PIEZO2: variants seen among roughly 807,000 people sequenced by gnomAD.
PIEZO2 encodes piezo-type mechanosensitive ion channel component 2.
In PIEZO2, 172 loss-of-function variants were observed where a neutral mutation model predicts 337.3. That is an observed-to-expected ratio of 0.51 (90% CI 0.45 to 0.58). The LOEUF (loss-of-function observed/expected upper bound fraction) is 0.58, where lower values mean the gene tolerates loss of function less well. Ranked by LOEUF, PIEZO2 falls within the 20% of genes least tolerant of loss-of-function variation. The pLI is 0.00. For missense variants in PIEZO2, 3,028 were observed against 3,391.3 expected (o/e 0.89, Z 2.66); for synonymous variants, 1,251 against 1,228.5 (o/e 1.02, Z -0.38).
In PIEZO2 at chr18:10,833,215, G is replaced by A. The variant is rs1256747519; in HGVS notation, c.917+22138C>T. Among the ~76,000 whole-genome samples, 2 of 152,160 alleles carry A rather than the reference G, an allele frequency of 1.3e-5. No individual in the cohort carries two copies. Among genetic ancestry groups the A allele is most frequent in the African/African-American group, 4.8e-5 (2 of 41,446 alleles). ...AACATGGCACATGGAGCATGGTTGA[G>A]GGCTCAGAGACAGAAGCCCAGGGTA... is the stretch of plus-strand genomic sequence containing the variant. On this transcript the variant is annotated intron_variant, in intron 7 of 55. Transcript: ENST00000674853. The surrounding 1 kb of genome is among the most constrained non-coding windows in gnomAD (Gnocchi z 4.7).
At chr18:10,723,677 G>T (rs2036413125) in intron 36 of PIEZO2, among the ~76,000 whole-genome samples, 1 of 152,156 alleles carries the variant, frequency 6.6e-6, no homozygotes, top group African/African-American at 2.4e-5. Context: ...AGCCTCTCCA[G>T]GCAGTCTCTG....
At position 10,877,926 on chromosome 18, in the gene PIEZO2, C is replaced by T. The variant is rs561790278; in HGVS notation, c.330-6511G>A. ...ATACTGAATGCACGTACCCAGAACG[C>T]GCCAGTGTTTTCCCTCTGAGCAAGT... On this transcript the variant is annotated intron_variant, in intron 4 of 55. Transcript: ENST00000674853. The surrounding 1 kb of genome is among the most constrained non-coding windows in gnomAD (Gnocchi z 5.3). Among the ~76,000 whole-genome samples, 26 of 152,230 alleles carry T rather than the reference C, an allele frequency of 1.7e-4. No homozygotes were observed. Among genetic ancestry groups the T allele is most frequent in the South Asian group, 1.2e-3 (6 of 4,814 alleles).
chr18:10,835,949 T>C (rs2040998499), intron 7 of PIEZO2, among the ~76,000 whole-genome samples: 2 of 152,246 alleles, frequency 1.3e-5, no homozygotes, highest in South Asian at 4.1e-4. Flanking sequence ...GTAATGTCCT[T>C]TGTGAAAAAT....
rs116232368 is a variant in PIEZO2 at position 10,846,911 on chromosome 18, T to C, written c.917+8442A>G. 2.0e-3 allele frequency among the ~76,000 whole-genome samples: 311 copies of C among 152,140 alleles called. 1 individual carries two copies. Among genetic ancestry groups the C allele is most frequent in the African/African-American group, 7.0e-3 (292 of 41,518 alleles). On this transcript the variant is annotated intron_variant, in intron 7 of 55. Transcript: ENST00000674853. The surrounding 1 kb of genome is among the most constrained non-coding windows in gnomAD (Gnocchi z 4.1). ...AACTGTTGGAAATGGGGAAGTGAGT[T>C]TGAATAATAAAAATATTTGATGACT...
intron 30 of PIEZO2, among the ~76,000 whole-genome samples, chr18:10,747,907 C>T (rs1259769298): frequency 6.6e-6 from 1 of 152,184 alleles, no homozygotes; most frequent in Non-Finnish European, 1.5e-5. Flanking sequence ...GAGGAACATA[C>T]ACAGCAGCTG....
intron 30 of PIEZO2, among the ~76,000 whole-genome samples, chr18:10,747,234 G>C (rs975912445): frequency 6.6e-6 from 1 of 152,188 alleles, no homozygotes; most frequent in Non-Finnish European, 1.5e-5. Flanking sequence ...TCTCGTTTGA[G>C]AGATGGGCAA....
chr18:10,858,321 CAAAAAAAA>C (rs11361243), intron 5 of PIEZO2, among the ~76,000 whole-genome samples: 1,539 of 56,482 alleles, frequency 0.027, 30 homozygotes, highest in African/African-American at 0.086. Context: ...GACTTCAACC[CAAAAAAAA>C]AAAAAAAAAA....
chr18:11,069,599 C>T lies in PIEZO2; in HGVS notation c.65-3377G>A, dbSNP rs192061802. Among the ~76,000 whole-genome samples the T allele has an allele frequency of 1.3e-5, 2 of 152,290 alleles. No homozygotes were observed. Among genetic ancestry groups the T allele is most frequent in the East Asian group, 3.9e-4 (2 of 5,186 alleles). ...TCAACAATGACAATTTAAAGCTTTT[C>T]TTTTAAGACCAGAATCAAGACAAGG... is the stretch of plus-strand genomic sequence containing the variant. On this transcript the variant is annotated intron_variant, in intron 1 of 55. Coordinates refer to ENST00000674853, the MANE Select transcript of PIEZO2 (RefSeq NM_001378183.1). This position sits in a 1 kb window ranked among gnomAD's most constrained non-coding sequence, Gnocchi z 4.9.
At chr18:10,949,525 G>T (rs958502424) in intron 3 of PIEZO2, among the ~76,000 whole-genome samples, 9 of 152,208 alleles carry the variant, frequency 5.9e-5, no homozygotes, top group Admixed American at 1.3e-4. Flanking sequence ...AGTGAGGTCA[G>T]GGTAAAAGTC....
chr18:10,684,096 C>A (rs1598351448), intron 49 of PIEZO2, among the ~76,000 whole-genome samples: 1 of 29,422 alleles, frequency 3.4e-5, no homozygotes, highest in Admixed American at 5.2e-4. Flanking sequence ...TTCCTTCCTT[C>A]TTTCTCTCTC....
intron 2 of PIEZO2, among the ~76,000 whole-genome samples, chr18:11,055,412 A>G (rs78404171): frequency 0.031 from 4,692 of 152,222 alleles, 179 homozygotes; most frequent in Admixed American, 0.085. Flanking sequence ...TGCTCATAAC[A>G]TGAAAAATAA....
intron 49 of PIEZO2, among the ~76,000 whole-genome samples, chr18:10,688,192 T>C (rs1310679261): frequency 6.6e-6 from 1 of 152,080 alleles, no homozygotes. Flanking sequence ...GTGTGTGATG[T>C]TCCCCTCCCT....
intron 1 of PIEZO2, among the ~76,000 whole-genome samples, chr18:11,086,281 GAGGCTGAGGC>G (rs2038906179): frequency 6.6e-6 from 1 of 152,150 alleles, no homozygotes; most frequent in Admixed American, 6.5e-5. Flanking sequence ...AGCACTTTGG[GAGGCTGAGGC>G]AGGCAGATCA....
At chr18:10,801,695 T>C (rs2039821380) in intron 9 of PIEZO2, among the ~76,000 whole-genome samples, 2 of 152,092 alleles carry the variant, frequency 1.3e-5, no homozygotes, top group African/African-American at 4.8e-5. Context: ...TTTTCAAGGG[T>C]TATGTTCTAC....
rs2036109619 is a variant in PIEZO2 at position 11,016,084 on chromosome 18, T to C, written c.161-36424A>G. ...CTCATTCTTCCTCCTTCTCCATTGC[T>C]CCTGTAGACCCAAACCAACAACAGC... On this transcript the variant is annotated intron_variant, in intron 2 of 55. Coordinates refer to ENST00000674853, the MANE Select transcript of PIEZO2 (RefSeq NM_001378183.1). The surrounding 1 kb of genome is among the most constrained non-coding windows in gnomAD (Gnocchi z 5.6). Among the ~76,000 whole-genome samples, 1 of 152,150 alleles carries C rather than the reference T, an allele frequency of 6.6e-6. No individual in the cohort carries two copies. The highest frequency in any genetic ancestry group is 2.4e-5 in the African/African-American group (1 of 41,442).
intron 1 of PIEZO2, among the ~76,000 whole-genome samples, chr18:11,123,373 C>T (rs1337148989): frequency 1.3e-5 from 2 of 152,150 alleles, no homozygotes; most frequent in Non-Finnish European, 2.9e-5. Flanking sequence ...CAAGCTAATT[C>T]CAGCAAAGAA....
chr18:10,758,019 A>C lies in PIEZO2; in HGVS notation c.3873T>G (p.Asp1291Glu). 1 of 1,537,060 alleles carries C rather than the reference A, an allele frequency of 6.5e-7. No homozygotes were observed. ...GDNVEICMNLDAASFSQHNPV... is the reference protein window; with the variant it reads ...GDNVEICMNLEAASFSQHNPV... ...GGTTATGTTGGCTGAAGGAGGCCGC[A>C]TCAAGGTTCATGCAGATCTCGACAT... The change falls in exon 27 of 56, where the codon GAT becomes GAG. Residue 1291 changes from aspartate to glutamate, a missense_variant. By Grantham distance (45) the Asp-to-Glu change is conservative. Coordinates refer to ENST00000674853, the MANE Select transcript of PIEZO2 (RefSeq NM_001378183.1).
At chr18:10,738,293 G>A (rs1420996916) in intron 33 of PIEZO2, 1 of 152,110 alleles carries the variant, frequency 6.6e-6, no homozygotes, top group African/African-American at 2.4e-5. Flanking sequence ...TTATAAGATC[G>A]AGAATTTTAC....
At position 10,671,547 on chromosome 18, in the gene PIEZO2, T is replaced by A; in HGVS notation, c.8578A>T (p.Thr2860Ser). The change falls in exon 56 of 56, where the codon ACT (threonine) becomes TCT (serine). Residue 2860 changes from threonine to serine, a missense_variant. This residue lies in a region of PIEZO2 where 332 missense variants were observed against 363.8 expected (regional missense o/e 0.91). Coordinates refer to ENST00000674853, the MANE Select transcript of PIEZO2 (RefSeq NM_001378183.1). ...YRSPETMIKW[T>S]REKTN ...AGGTTTCAATTTGTTTTTTCTCTAG[T>A]CCATTTGATCATTGTCTCTGGTGAG... 6.2e-7 allele frequency: 1 copy of A among 1,612,098 alleles called. No individual in the cohort carries two copies. Among genetic ancestry groups the A allele is most frequent in the Non-Finnish European group, 8.5e-7 (1 of 1,179,174 alleles).
Sources: gnomAD v4.1 joint callset for allele counts (sites outside exome capture counted in the v4.1 genomes callset) on GRCh38, gnomAD v4.1.1 for gene constraint, gnomAD v4.1.1 regional missense constraint, Gnocchi (gnomAD v3.1) non-coding constraint, MANE v1.5 for transcripts, NCBI Gene and HGNC (gene_info 2026-07-23, HGNC 2026-07-21) for gene names.